The following AGMO variants were observed in gnomAD, a reference collection of about 807,000 sequenced individuals.
AGMO encodes the protein alkylglycerol monooxygenase, also known as glyceryl-ether monooxygenase.
Under a neutral mutation model 60.2 loss-of-function variants are expected in AGMO, and 75 were observed. That is an observed-to-expected ratio of 1.25 (90% CI 1.03 to 1.51). The LOEUF (loss-of-function observed/expected upper bound fraction) is 1.51, where lower values mean the gene tolerates loss of function less well. AGMO is among the 40% of genes most tolerant of loss of function. The pLI, the probability that AGMO is intolerant of heterozygous loss-of-function variation, is 0.00. For missense variants in AGMO, 763 were observed against 525.5 expected (o/e 1.45, Z -4.42); for synonymous variants, 261 against 177.1 (o/e 1.47, Z -3.76).
At position 15,345,020 on chromosome 7, in the gene AGMO, G is replaced by A. The variant is rs150688413; in HGVS notation, c.1263+20494C>T. Among the ~76,000 whole-genome samples, 947 of 152,224 alleles carry A rather than the reference G, an allele frequency of 6.2e-3. 14 individuals are homozygous for A. The highest frequency in any genetic ancestry group is 0.022 in the African/African-American group (898 of 41,556). On this transcript the variant is annotated intron_variant, in intron 12 of 12. Coordinates refer to ENST00000342526, the MANE Select transcript of AGMO (RefSeq NM_001004320.2). ...AGTGACTGTCCTCGTTCAAGCCACT[G>A]TCACATCTTTCCATGTTTACTAAAA...
At chr7:15,244,146 T>A (rs1211931857) in intron 12 of AGMO, among the ~76,000 whole-genome samples, 1 of 151,356 alleles carries the variant, frequency 6.6e-6, no homozygotes, top group Non-Finnish European at 1.5e-5. Context: ...GAAGGGAAAA[T>A]AAAAATGCAT....
intron 12 of AGMO, among the ~76,000 whole-genome samples, chr7:15,338,787 C>A (rs1056576172): frequency 6.6e-6 from 1 of 152,132 alleles, no homozygotes; most frequent in Admixed American, 6.6e-5. Flanking sequence ...GAAAAGGGTG[C>A]TCTAATCTTG....
At chr7:15,421,613 C>G (rs1409130225) in intron 4 of AGMO, among the ~76,000 whole-genome samples, 1 of 151,834 alleles carries the variant, frequency 6.6e-6, no homozygotes, top group African/African-American at 2.4e-5. Context: ...CGGAAGACAC[C>G]CAGATTTCTG....
Position 15,552,327 on chromosome 7 carries a change from A to G in AGMO, c.258-7404T>C, listed in dbSNP as rs528629996. On this transcript the variant is annotated intron_variant, in intron 2 of 12. Coordinates refer to ENST00000342526, the MANE Select transcript of AGMO (RefSeq NM_001004320.2). ...AAGCCAAAATTGACAAATGGGATCT[A>G]ATTAAACTAAAGAGCTTCTGCACAG... 4.6e-3 allele frequency among the ~76,000 whole-genome samples: 702 copies of G among 152,350 alleles called. 3 individuals are homozygous for G. Among genetic ancestry groups the G allele is most frequent in the Non-Finnish European group, 6.7e-3 (454 of 68,044 alleles).
intron 12 of AGMO, among the ~76,000 whole-genome samples, chr7:15,272,445 C>A (rs180869856): frequency 9.9e-5 from 15 of 152,132 alleles, no homozygotes; most frequent in African/African-American, 3.4e-4. Flanking sequence ...CATGTCCCTA[C>A]AAAGGACATG....
chr7:15,251,956 G>C (rs1324175830), intron 12 of AGMO, among the ~76,000 whole-genome samples: 1 of 152,204 alleles, frequency 6.6e-6, no homozygotes, highest in South Asian at 2.1e-4. Context: ...CAGGTTATCT[G>C]TAGTTCATTC....
At chr7:15,247,436 A>ACG (rs1782774315) in intron 12 of AGMO, among the ~76,000 whole-genome samples, 1 of 138,838 alleles carries the variant, frequency 7.2e-6, no homozygotes, top group Non-Finnish European at 1.5e-5. Context: ...ACACACACAC[A>ACG]CACACACACA....
At chr7:15,336,876 AC>A (rs1447691671) in intron 12 of AGMO, among the ~76,000 whole-genome samples, 1 of 152,118 alleles carries the variant, frequency 6.6e-6, no homozygotes, top group Non-Finnish European at 1.5e-5. Context: ...TTACATTTAG[AC>A]TATAGAGTAA....
intron 2 of AGMO, among the ~76,000 whole-genome samples, chr7:15,557,481 T>C (rs1785177173): frequency 6.6e-6 from 1 of 152,066 alleles, no homozygotes; most frequent in Admixed American, 6.6e-5. Context: ...TGGCTTCAAC[T>C]GAAATATTGT....
chr7:15,351,652 T>C (rs1169612269), intron 12 of AGMO, among the ~76,000 whole-genome samples: 1 of 152,198 alleles, frequency 6.6e-6, no homozygotes, highest in Non-Finnish European at 1.5e-5. Flanking sequence ...TGCTTTTCAA[T>C]TTGGCTTTAG....
chr7:15,351,548 T>C (rs1476879599), intron 12 of AGMO, among the ~76,000 whole-genome samples: 1 of 152,146 alleles, frequency 6.6e-6, no homozygotes, highest in East Asian at 1.9e-4. Context: ...AGGAAGGATA[T>C]CATGTGCGTA....
chr7:15,303,438 A>C (rs963398820), intron 12 of AGMO, among the ~76,000 whole-genome samples: 5 of 151,056 alleles, frequency 3.3e-5, no homozygotes, highest in Non-Finnish European at 7.4e-5. Flanking sequence ...GAAAAACAGA[A>C]AAAAAAAAGA....
Position 15,419,426 on chromosome 7 carries a change from G to T in AGMO, c.514-773C>A, listed in dbSNP as rs182520522. ...AATGAGAGACTAAATAACCAAATGA[G>T]AATAAAATGAATCTGACTTTCACTT... On this transcript the variant is annotated intron_variant, in intron 4 of 12. Coordinates refer to ENST00000342526, the MANE Select transcript of AGMO (RefSeq NM_001004320.2). Among the ~76,000 whole-genome samples the T allele has an allele frequency of 4.9e-3, 748 of 151,948 alleles. 1 individual carries two copies. Among genetic ancestry groups the T allele is most frequent in the Middle Eastern group, 0.01 (3 of 294 alleles).
chr7:15,477,131 CT>C (rs76639484), intron 3 of AGMO, among the ~76,000 whole-genome samples: 3 of 151,038 alleles, frequency 2.0e-5, no homozygotes, highest in African/African-American at 4.9e-5. Flanking sequence ...TTAGAACATT[CT>C]TTTTTTTTAC....
chr7:15,522,809 C>A (rs1291578711), intron 3 of AGMO, among the ~76,000 whole-genome samples: 1 of 152,016 alleles, frequency 6.6e-6, no homozygotes, highest in Non-Finnish European at 1.5e-5. Flanking sequence ...GACTAAAACA[C>A]CAAAAACAAT....
At chr7:15,453,474 A>G (rs1781909897) in intron 3 of AGMO, among the ~76,000 whole-genome samples, 3 of 152,204 alleles carry the variant, frequency 2.0e-5, no homozygotes, top group African/African-American at 7.2e-5. Flanking sequence ...GTCAGGCTGC[A>G]AAAAGTGCTG....
intron 12 of AGMO, among the ~76,000 whole-genome samples, chr7:15,342,046 C>G (rs879222116): frequency 2.6e-5 from 4 of 151,754 alleles, no homozygotes; most frequent in Middle Eastern, 3.2e-3. Flanking sequence ...GCCATGAATG[C>G]TCACTTTGCT....
chr7:15,405,481 G>A (rs967978569), intron 5 of AGMO, among the ~76,000 whole-genome samples: 7 of 151,850 alleles, frequency 4.6e-5, no homozygotes, highest in African/African-American at 1.7e-4. Context: ...CGTGGTTCTT[G>A]GAAGGGAGCA....
chr7:15,477,182 G>C (rs1782617618), intron 3 of AGMO, among the ~76,000 whole-genome samples: 1 of 151,894 alleles, frequency 6.6e-6, no homozygotes, highest in Admixed American at 6.6e-5. Context: ...GTTAAGCAAA[G>C]TTGAGAATTT....
Sources: allele counts gnomAD v4.1 joint callset (sites outside exome capture counted in the v4.1 genomes callset), GRCh38; gene constraint gnomAD v4.1.1; transcripts MANE v1.5; gene names NCBI Gene and HGNC (gene_info 2026-07-23, HGNC 2026-07-21).